Variants in GAREM1 observed in about 807,000 individuals in gnomAD.
The protein encoded by GAREM1 is GRB2 associated regulator of MAPK1 subtype 1.
GAREM1 carries 26 observed loss-of-function variants against 71.3 expected under a neutral mutation model. The observed-to-expected ratio is 0.36, with a 90% CI of 0.27 to 0.51. The LOEUF is 0.51. Ranked by LOEUF, GAREM1 falls within the 20% of genes least tolerant of loss-of-function variation. GAREM1 has a pLI of 0.95. For synonymous variants in GAREM1, 440 were observed against 433.2 expected (o/e 1.02, Z -0.20); for missense variants, 1,026 against 1,103.1 (o/e 0.93, Z 0.99).
At chr18:32,316,133 A>C (rs1269592700) in intron 2 of GAREM1, among the ~76,000 whole-genome samples, 1 of 152,228 alleles carries the variant, frequency 6.6e-6, no homozygotes, top group Non-Finnish European at 1.5e-5. Context: ...AATCACATAT[A>C]CATGGGAGCA....
At chr18:32,403,667 C>T (rs2048338119) in intron 1 of GAREM1, among the ~76,000 whole-genome samples, 1 of 151,992 alleles carries the variant, frequency 6.6e-6, no homozygotes, top group South Asian at 2.1e-4. Flanking sequence ...CATCAACCTC[C>T]CAGGCTCAAG....
At chr18:32,425,455 T>C (rs982261318) in intron 1 of GAREM1, among the ~76,000 whole-genome samples, 1 of 152,224 alleles carries the variant, frequency 6.6e-6, no homozygotes, top group Non-Finnish European at 1.5e-5. Flanking sequence ...GATCAGTTCC[T>C]GGAAAGTCTC....
rs551153475 is a variant in GAREM1, at chr18:32,384,405, T to C, written c.262+8490A>G. Among the ~76,000 whole-genome samples the C allele has an allele frequency of 3.9e-5, 6 of 152,322 alleles. No individual in the cohort carries two copies. In the East Asian group the frequency reaches 7.7e-4, roughly 20 times the overall value. ...CAGAGTGGTTTTGATAAAAATGCCA[T>C]ATAAGAGTTCAACTATACAATTTAT... On this transcript the variant is annotated intron_variant, in intron 2 of 5. Coordinates refer to ENST00000269209, the MANE Select transcript of GAREM1 (RefSeq NM_001242409.2).
In GAREM1 at chr18:32,396,446, T is replaced by C. The variant is rs536344117; in HGVS notation, c.122-3411A>G. ...GAATGGCTAACTAGAATAACCAGTG[T>C]AGAGAAGTCCTTAAATGACCTAATG... is the stretch of plus-strand genomic sequence containing the variant. On this transcript the variant is annotated intron_variant, in intron 1 of 5. Coordinates refer to ENST00000269209, the MANE Select transcript of GAREM1 (RefSeq NM_001242409.2). 2.6e-5 allele frequency among the ~76,000 whole-genome samples: 4 copies of C among 152,092 alleles called. No homozygotes were observed. The South Asian group carries it at 6.2e-4, about 24-fold the overall frequency.
intron 3 of GAREM1, 140 bp downstream of exon 3, chr18:32,310,053 T>TATACA (rs2047300540): frequency 1.3e-6 from 1 of 748,068 alleles, no homozygotes; most frequent in African/African-American, 1.8e-5. Context: ...ACAATATATG[T>TATACA]GGTTTTGGCT....
intron 4 of GAREM1, among the ~76,000 whole-genome samples, chr18:32,286,360 A>G (rs972315372): frequency 1.1e-4 from 14 of 127,134 alleles, no homozygotes; most frequent in African/African-American, 2.6e-4. Flanking sequence ...GTGTGTGTGT[A>G]TAATACATTA....
intron 2 of GAREM1, among the ~76,000 whole-genome samples, chr18:32,376,248 T>G (rs912989817): frequency 1.3e-5 from 2 of 152,228 alleles, no homozygotes; most frequent in Non-Finnish European, 2.9e-5. Flanking sequence ...GTCTCAAGAT[T>G]TAATTGTCTC....
intron 2 of GAREM1, among the ~76,000 whole-genome samples, chr18:32,364,875 GAC>G (rs35309414): frequency 0.11 from 16,511 of 144,028 alleles, 1,189 homozygotes; most frequent in African/African-American, 0.21. Flanking sequence ...TAAGAGCACA[GAC>G]ACACACACAC....
intron 2 of GAREM1, among the ~76,000 whole-genome samples, chr18:32,362,227 T>G (rs1250448694): frequency 6.6e-6 from 1 of 152,204 alleles, no homozygotes; most frequent in Non-Finnish European, 1.5e-5. Context: ...GTCTTCACGA[T>G]TCACAGTTTC....
At chr18:32,359,574 C>T (rs1262998297) in intron 2 of GAREM1, among the ~76,000 whole-genome samples, 2 of 152,156 alleles carry the variant, frequency 1.3e-5, no homozygotes, top group African/African-American at 2.4e-5. Context: ...TTGTTTTTAA[C>T]GTAACTATCA....
rs144996000 is a variant in GAREM1, at chr18:32,286,483, T to A, written c.1566+548A>T. Among the ~76,000 whole-genome samples the A allele has an allele frequency of 3.0e-3, 459 of 152,224 alleles. 2 individuals are homozygous for A. Among genetic ancestry groups the A allele is most frequent in the African/African-American group, 0.01 (429 of 41,536 alleles). On this transcript the variant is annotated intron_variant, in intron 4 of 5. Coordinates refer to ENST00000269209, the MANE Select transcript of GAREM1 (RefSeq NM_001242409.2). ...GCTTCCCCTCCCACCACCAAATAAA[T>A]TTACTCCTCCTTCAGTCTTCCCCAT...
chr18:32,395,327 G>C (rs939707943), intron 1 of GAREM1, among the ~76,000 whole-genome samples: 1 of 152,178 alleles, frequency 6.6e-6, no homozygotes, highest in Non-Finnish European at 1.5e-5. Context: ...AGGCGCATAC[G>C]GGTGAACAAA....
chr18:32,467,469 G>A (rs1437804622), intron 1 of GAREM1, among the ~76,000 whole-genome samples: 5 of 151,254 alleles, frequency 3.3e-5, no homozygotes, highest in Non-Finnish European at 5.9e-5. Flanking sequence ...TACTAGGTAC[G>A]AGTCTTCAGG....
intron 3 of GAREM1, among the ~76,000 whole-genome samples, chr18:32,306,461 C>CG (rs200909668): frequency 1.4e-4 from 19 of 138,688 alleles, no homozygotes; most frequent in African/African-American, 5.0e-4. Flanking sequence ...TGTTTAGCAG[C>CG]AACCCCCCCC....
At chr18:32,306,972 T>C (rs1306854268) in intron 3 of GAREM1, among the ~76,000 whole-genome samples, 1 of 152,242 alleles carries the variant, frequency 6.6e-6, no homozygotes, top group African/African-American at 2.4e-5. Context: ...AGGTATCTTT[T>C]AAAGACAAAT....
chr18:32,287,357 C>G lies in GAREM1; in HGVS notation c.1240G>C (p.Ala414Pro), dbSNP rs775277452. ...HGCRDLGGDW[A>P]PFPHDILPYQ... ...GGCAGGATGTCATGAGGAAAGGGAG[C>G]CCAATCTCCCCCCAGGTCCCTGCAA... The change falls in exon 4 of 6, where the codon GCT (alanine) becomes CCT (proline). Residue 414 changes from alanine to proline, a missense_variant. By Grantham distance (27) the Ala-to-Pro change is conservative (BLOSUM62 -1). Coordinates refer to ENST00000269209, the MANE Select transcript of GAREM1 (RefSeq NM_001242409.2). The surrounding 1 kb of genome is among the most constrained non-coding windows in gnomAD (Gnocchi z 5.9). 1 of 1,614,150 alleles carries G rather than the reference C, an allele frequency of 6.2e-7. No homozygotes were observed. The highest frequency in any genetic ancestry group is 8.5e-7 in the Non-Finnish European group (1 of 1,180,020).
chr18:32,312,183 G>A (rs2047330909), intron 2 of GAREM1, among the ~76,000 whole-genome samples: 1 of 152,182 alleles, frequency 6.6e-6, no homozygotes, highest in Non-Finnish European at 1.5e-5. Context: ...AAGTCTGGCT[G>A]GAAAGAATAA....
intron 4 of GAREM1, among the ~76,000 whole-genome samples, chr18:32,282,774 T>C (rs1331859148): frequency 6.6e-6 from 1 of 152,226 alleles, no homozygotes; most frequent in East Asian, 1.9e-4. Context: ...GGAAGTCAAA[T>C]GATCTATTTA....
rs554640259 is a variant in GAREM1, at chr18:32,448,670, ATATG to A, written c.121+21634_121+21637del. Among the ~76,000 whole-genome samples, 1,076 of 152,360 alleles carry A rather than the reference ATATG, an allele frequency of 7.1e-3. 4 individuals carry two copies. The highest frequency in any genetic ancestry group is 0.014 in the Admixed American group (219 of 15,300). On this transcript the variant is annotated intron_variant, in intron 1 of 5. Coordinates refer to ENST00000269209, the MANE Select transcript of GAREM1 (RefSeq NM_001242409.2). ...ATGTGTTTATATATATACAAATATC[ATATG>A]TATGTATTTATGTACCTTTGAGGAC...
Sources: allele counts gnomAD v4.1 joint callset (sites outside exome capture counted in the v4.1 genomes callset), GRCh38; gene constraint gnomAD v4.1.1; non-coding constraint Gnocchi (gnomAD v3.1); transcripts MANE v1.5; gene names NCBI Gene and HGNC (gene_info 2026-07-23, HGNC 2026-07-21).